ADGRL3: variants seen among roughly 807,000 people sequenced by gnomAD.
ADGRL3 encodes calcium-independent alpha-latrotoxin receptor 3.
Under a neutral mutation model 153.5 loss-of-function variants are expected in ADGRL3, and 62 were observed. The ratio of observed to expected loss-of-function variants is 0.40; its 90% confidence interval spans 0.33 to 0.50. The LOEUF is 0.50. Ranked by LOEUF, ADGRL3 falls within the 20% of genes least tolerant of loss-of-function variation. The pLI is 0.47. For missense variants in ADGRL3, 1,641 were observed against 1,859.4 expected (o/e 0.88, Z 2.16); for synonymous variants, 710 against 672.5 (o/e 1.06, Z -0.86).
intron 5 of ADGRL3, among the ~76,000 whole-genome samples, chr4:61,622,577 C>G (rs2092589494): frequency 6.6e-6 from 1 of 151,762 alleles, no homozygotes; most frequent in South Asian, 2.1e-4. Flanking sequence ...GAAGAGACAA[C>G]AATGAAGATG....
intron 21 of ADGRL3, among the ~76,000 whole-genome samples, chr4:62,010,736 T>C (rs1002242055): frequency 6.6e-6 from 1 of 152,222 alleles, no homozygotes; most frequent in South Asian, 2.1e-4. Context: ...TTTATCTGTC[T>C]TCAAATTCTT....
intron 1 of ADGRL3, among the ~76,000 whole-genome samples, chr4:61,234,624 T>C (rs1456121811): frequency 2.0e-5 from 3 of 152,130 alleles, no homozygotes; most frequent in Non-Finnish European, 2.9e-5. Context: ...TCAGAAGATA[T>C]AGTCAGTGAG....
chr4:61,350,154 T>C (rs1319661970), intron 1 of ADGRL3, among the ~76,000 whole-genome samples: 3 of 152,114 alleles, frequency 2.0e-5, no homozygotes, highest in African/African-American at 7.2e-5. Flanking sequence ...GTTGCTGATA[T>C]CAGTTAGAGA....
rs370383406 is a variant in ADGRL3, at chr4:61,533,119, G to A, written c.259+15601G>A. Among the ~76,000 whole-genome samples the A allele has an allele frequency of 1.7e-4, 26 of 152,306 alleles. 1 individual carries two copies. The highest frequency in any genetic ancestry group is 6.3e-4 in the African/African-American group (26 of 41,574). ...AAGCAAATTGACAGGAAAGTTGATA[G>A]AATTTTGATAAGGACGTTTCTGGCC... On this transcript the variant is annotated intron_variant, in intron 4 of 26. Coordinates refer to ENST00000683033, the MANE Select transcript of ADGRL3 (RefSeq NM_001387552.1).
chr4:61,354,582 G>GTA lies in ADGRL3; in HGVS notation c.-239-28541_-239-28540insAT, dbSNP rs150896954. Among the ~76,000 whole-genome samples the GTA allele has an allele frequency of 3.2e-4, 49 of 151,066 alleles. 1 individual carries two copies. The highest frequency in any genetic ancestry group is 3.2e-3 in the Admixed American group (48 of 15,158). On this transcript the variant is annotated intron_variant, in intron 1 of 26. Coordinates refer to ENST00000683033, the MANE Select transcript of ADGRL3 (RefSeq NM_001387552.1). ...AGATGATAAGACTTTGTCTGTGTGTGTGTGTGTGTGTGTGTGTGCGCTTTA... is the reference window on the plus strand; with the variant it reads ...AGATGATAAGACTTTGTCTGTGTGTGTATGTGTGTGTGTGTGTGTGCGCTTTA...
chr4:61,388,483 G>A (rs1415148899), intron 2 of ADGRL3, among the ~76,000 whole-genome samples: 2 of 152,156 alleles, frequency 1.3e-5, no homozygotes, highest in African/African-American at 4.8e-5. Context: ...AGAAGTTTGG[G>A]TTAATGGCTC....
chr4:61,731,979 C>G (rs960715668), intron 7 of ADGRL3, among the ~76,000 whole-genome samples: 2 of 152,096 alleles, frequency 1.3e-5, no homozygotes, highest in East Asian at 1.9e-4. Flanking sequence ...GGTTTTAATG[C>G]TCTTCTCATG....
At chr4:62,065,713 G>A (rs2151898610) in intron 25 of ADGRL3, among the ~76,000 whole-genome samples, 1 of 152,038 alleles carries the variant, frequency 6.6e-6, no homozygotes, top group East Asian at 1.9e-4. Context: ...TAATGAAAAA[G>A]TAAAACTGAT....
chr4:61,903,221 A>G (rs1255207806), intron 11 of ADGRL3, among the ~76,000 whole-genome samples: 1 of 152,120 alleles, frequency 6.6e-6, no homozygotes, highest in Non-Finnish European at 1.5e-5. Flanking sequence ...CTTTCCCCTC[A>G]ATAGCACCCA....
chr4:61,322,746 G>T (rs1383184103), intron 1 of ADGRL3, among the ~76,000 whole-genome samples: 1 of 152,192 alleles, frequency 6.6e-6, no homozygotes, highest in African/African-American at 2.4e-5. Flanking sequence ...GCTTTTCAGG[G>T]TACAGCCTCC....
At chr4:61,386,066 G>A (rs1248003674) in intron 2 of ADGRL3, among the ~76,000 whole-genome samples, 1 of 152,074 alleles carries the variant, frequency 6.6e-6, no homozygotes, top group Non-Finnish European at 1.5e-5. Flanking sequence ...GTATTTTACT[G>A]TACTCGTGTT....
intron 1 of ADGRL3, among the ~76,000 whole-genome samples, chr4:61,354,154 G>A (rs1306486926): frequency 6.6e-6 from 1 of 152,080 alleles, no homozygotes; most frequent in Non-Finnish European, 1.5e-5. Flanking sequence ...TATTAAATAG[G>A]TAATAATATA....
chr4:61,461,651 T>C (rs940766930), intron 2 of ADGRL3, among the ~76,000 whole-genome samples: 2 of 152,140 alleles, frequency 1.3e-5, no homozygotes, highest in East Asian at 1.9e-4. Flanking sequence ...CAGAAAAAAG[T>C]GAATTTTAGT....
At chr4:61,293,061 A>G (rs537712625) in intron 1 of ADGRL3, among the ~76,000 whole-genome samples, 1 of 152,226 alleles carries the variant, frequency 6.6e-6, no homozygotes, top group South Asian at 2.1e-4. Context: ...CAAATACTGA[A>G]CACTTGCCTT....
At position 61,918,133 on chromosome 4, in the gene ADGRL3, G is replaced by A. The variant is rs1418087283; in HGVS notation, c.2112+5376G>A. ...GTGCGGGATACTGAGGTAATTATTC[G>A]GATTCAGAGGTTTTTAAAAAAATGA... On this transcript the variant is annotated intron_variant, in intron 13 of 26. Coordinates refer to ENST00000683033, the MANE Select transcript of ADGRL3 (RefSeq NM_001387552.1). 2.6e-5 allele frequency among the ~76,000 whole-genome samples: 4 copies of A among 152,042 alleles called. No homozygotes were observed. In the South Asian group the frequency reaches 6.2e-4, roughly 24 times the overall value.
intron 2 of ADGRL3, chr4:61,425,258 A>G (rs1252664847): frequency 6.6e-6 from 1 of 152,250 alleles, no homozygotes; most frequent in African/African-American, 2.4e-5. Flanking sequence ...ATTACAGGTC[A>G]GCCAGGGGTT....
intron 2 of ADGRL3, among the ~76,000 whole-genome samples, chr4:61,400,303 T>TC: frequency 1.3e-5 from 2 of 151,876 alleles, no homozygotes; most frequent in Non-Finnish European, 2.9e-5. Context: ...TTTATTACTT[T>TC]ACTATATCAG....
intron 3 of ADGRL3, among the ~76,000 whole-genome samples, chr4:61,500,197 A>C (rs1187819109): frequency 6.6e-6 from 1 of 152,226 alleles, no homozygotes; most frequent in African/African-American, 2.4e-5. Context: ...TATGTGGACT[A>C]TTCAATATTA....
intron 1 of ADGRL3, among the ~76,000 whole-genome samples, chr4:61,210,721 GT>G (rs1007100091): frequency 2.0e-5 from 3 of 152,126 alleles, no homozygotes; most frequent in African/African-American, 7.2e-5. Context: ...TTCTTGATTT[GT>G]CAATGGCTTA....
Sources: gnomAD v4.1 joint callset for allele counts (sites outside exome capture counted in the v4.1 genomes callset) on GRCh38, gnomAD v4.1.1 for gene constraint, MANE v1.5 for transcripts, NCBI Gene and HGNC (gene_info 2026-07-23, HGNC 2026-07-21) for gene names.